The following MYO18B variants were observed in gnomAD, a reference collection of about 807,000 sequenced individuals.
MYO18B encodes unconventional myosin-XVIIIb.
In MYO18B, 204 loss-of-function variants were observed where a neutral mutation model predicts 273.0. The ratio of observed to expected loss-of-function variants is 0.75; its 90% confidence interval spans 0.67 to 0.84. MYO18B has a LOEUF of 0.84. MYO18B is among the 40% of genes least tolerant of loss of function. The pLI is 0.00. For synonymous variants in MYO18B, 1,330 were observed against 1,305.7 expected, an observed-to-expected ratio of 1.02 and a Z score of -0.40; for missense variants, 3,212 against 3,287.6, an observed-to-expected ratio of 0.98 and a Z score of 0.56.
chr22:26,001,518 G>C (rs547340241), intron 40 of MYO18B, among the ~76,000 whole-genome samples: 10 of 152,318 alleles, frequency 6.6e-5, no homozygotes, highest in Non-Finnish European at 1.0e-4. Context: ...AAAGGCAGTA[G>C]AGAGAAATCC....
the MYO18B span, among the ~76,000 whole-genome samples, chr22:26,045,521 C>A: frequency 6.6e-6 from 1 of 152,058 alleles, no homozygotes; most frequent in Non-Finnish European, 1.5e-5. Flanking sequence ...CTCAACCAAC[C>A]CAAAAGGGAG....
chr22:25,765,982 C>T (rs2086491723), intron 3 of MYO18B, among the ~76,000 whole-genome samples: 1 of 152,212 alleles, frequency 6.6e-6, no homozygotes, highest in Non-Finnish European at 1.5e-5. Context: ...CCTTGGGCCC[C>T]AGAGCCATGA....
chr22:25,794,463 G>A (rs2087818639), intron 11 of MYO18B, among the ~76,000 whole-genome samples: 1 of 151,968 alleles, frequency 6.6e-6, no homozygotes, highest in African/African-American at 2.4e-5. Context: ...TGGGATTACA[G>A]GCATGAGCCA....
chr22:25,908,530 C>G, intron 32 of MYO18B, 98 bp downstream of exon 32: 4 of 1,012,000 alleles, frequency 4.0e-6, no homozygotes, highest in Non-Finnish European at 6.0e-6. Context: ...GGTCTGGGAT[C>G]TGGGGACAAG....
In MYO18B at chr22:25,847,568, G is replaced by A. The variant is rs747242229; in HGVS notation, c.3691G>A (p.Gly1231Arg). The A allele has an allele frequency of 2.6e-6, 4 of 1,568,290 alleles. No individual in the cohort carries two copies. The Admixed American group carries it at 5.6e-5, about 22-fold the overall frequency. The change falls in exon 20 of 44, where the codon GGA becomes AGA. Residue 1231 changes from glycine (G) to arginine (R), a missense_variant. Coordinates refer to ENST00000335473, the MANE Select transcript of MYO18B (RefSeq NM_032608.7). ...TGGTAGAGACAAGCCTGGGGCAGGT[G>A]GACCTCTGGCCCTGGATATCCCAGC... ...QPGRDKPGAGGPLALDIPALR... is the reference protein window; with the variant it reads ...QPGRDKPGAGRPLALDIPALR...
At chr22:25,836,042 G>T (rs2089888346) in intron 17 of MYO18B, among the ~76,000 whole-genome samples, 1 of 152,158 alleles carries the variant, frequency 6.6e-6, no homozygotes, top group South Asian at 2.1e-4. Flanking sequence ...GAGAGGAGCT[G>T]GCCTGCCCCA....
intron 25 of MYO18B, among the ~76,000 whole-genome samples, chr22:25,886,826 T>C (rs2091514870): frequency 1.3e-5 from 2 of 152,158 alleles, no homozygotes; most frequent in South Asian, 4.1e-4. Flanking sequence ...CTCTGCTACT[T>C]ACCAGCTATG....
In MYO18B at chr22:25,999,586, C is replaced by A. The variant is rs61556787; in HGVS notation, c.6288-3679C>A. 5.0e-5 allele frequency among the ~76,000 whole-genome samples: 6 copies of A among 119,934 alleles called. No homozygotes were observed. In the East Asian group the frequency reaches 1.8e-3, roughly 35 times the overall value. The allele number at this position is 119,934 out of a possible 152,430, so 78.7% of individuals were successfully genotyped here. On this transcript the variant is annotated intron_variant, in intron 40 of 43. Coordinates refer to ENST00000335473, the MANE Select transcript of MYO18B (RefSeq NM_032608.7). ...CCCTCCTCCTCTTCCCCCTCCTCCT[C>A]CTCTTCCTCCTTTCTCCTCCTTCTC...
chr22:26,011,772 T>C (rs1934942926), intron 42 of MYO18B, among the ~76,000 whole-genome samples: 1 of 152,222 alleles, frequency 6.6e-6, no homozygotes, highest in Admixed American at 6.5e-5. Context: ...TTGTACCATA[T>C]TGCAATGTGA....
At chr22:25,901,806 G>GTTTTT (rs34278088) in intron 29 of MYO18B, among the ~76,000 whole-genome samples, 20 of 92,196 alleles carry the variant, frequency 2.2e-4, no homozygotes, top group East Asian at 3.3e-4. Context: ...TTTTGGGTTG[G>GTTTTT]TTTTTTTTTT....
At chr22:25,936,856 A>G (rs2092584877) in intron 34 of MYO18B, among the ~76,000 whole-genome samples, 1 of 152,006 alleles carries the variant, frequency 6.6e-6, no homozygotes, top group African/African-American at 2.4e-5. Flanking sequence ...GAATCTCATC[A>G]TGGAGGCCCC....
At chr22:25,822,098 C>T (rs2089303463) in intron 12 of MYO18B, among the ~76,000 whole-genome samples, 1 of 152,176 alleles carries the variant, frequency 6.6e-6, no homozygotes, top group Non-Finnish European at 1.5e-5. Context: ...AGTGGCTCTC[C>T]ATTGATTCTT....
At chr22:26,048,496 G>A in the MYO18B span, among the ~76,000 whole-genome samples, 1 of 152,122 alleles carries the variant, frequency 6.6e-6, no homozygotes, top group Admixed American at 6.5e-5. Context: ...TGACTCCTGT[G>A]ACCTGCCTGT....
At chr22:26,016,855 G>C (rs949962312) in intron 42 of MYO18B, among the ~76,000 whole-genome samples, 1 of 152,318 alleles carries the variant, frequency 6.6e-6, no homozygotes, top group Admixed American at 6.5e-5. Context: ...GCCAGAGGGC[G>C]GAAAGGCTTC....
chr22:25,794,491 ATTATTATTGT>A (rs1242056158), intron 11 of MYO18B, among the ~76,000 whole-genome samples: 1 of 144,676 alleles, frequency 6.9e-6, no homozygotes, highest in East Asian at 2.1e-4. Context: ...TGGCCATGTT[ATTATTATTGT>A]TTATTATTTA....
At chr22:25,993,904 A>AT (rs11434878) in intron 40 of MYO18B, among the ~76,000 whole-genome samples, 66,444 of 150,988 alleles carry the variant, frequency 0.44, 15,285 homozygotes, top group African/African-American at 0.57. Context: ...ACGGGTGACA[A>AT]TTTTTTTTTT....
the MYO18B span, among the ~76,000 whole-genome samples, chr22:26,037,270 G>A: frequency 6.6e-6 from 1 of 152,092 alleles, no homozygotes; most frequent in Non-Finnish European, 1.5e-5. Flanking sequence ...CTAATTCTTG[G>A]TTTCTTCTCG....
chr22:25,984,136 A>G (rs1309520958), intron 39 of MYO18B, among the ~76,000 whole-genome samples: 1 of 119,008 alleles, frequency 8.4e-6, no homozygotes, highest in Non-Finnish European at 2.0e-5. Flanking sequence ...ATTTTACATT[A>G]TTTCATTTGT....
chr22:25,966,943 T>A (rs2092986018), intron 39 of MYO18B, among the ~76,000 whole-genome samples: 1 of 152,212 alleles, frequency 6.6e-6, no homozygotes, highest in Non-Finnish European at 1.5e-5. Flanking sequence ...ATCCTGATAA[T>A]AAAATCTATT....
Sources: allele counts gnomAD v4.1 joint callset (sites outside exome capture counted in the v4.1 genomes callset), GRCh38; gene constraint gnomAD v4.1.1; transcripts MANE v1.5; gene names NCBI Gene and HGNC (gene_info 2026-07-23, HGNC 2026-07-21).